OSBPL10: variants seen among roughly 807,000 people sequenced by gnomAD.
The protein encoded by OSBPL10 is oxysterol binding protein like 10.
A neutral mutation model predicts 81.7 loss-of-function variants in OSBPL10; 49 were observed. That is an observed-to-expected ratio of 0.60 (90% CI 0.48 to 0.76). OSBPL10 has a LOEUF of 0.76. Among genes scored for constraint, OSBPL10 ranks in the 30% least tolerant of loss-of-function variants. The pLI, the probability that OSBPL10 is intolerant of heterozygous loss-of-function variation, is 0.00. For missense variants in OSBPL10, 923 were observed against 987.8 expected, an observed-to-expected ratio of 0.93 and a Z score of 0.88; for synonymous variants, 419 against 383.6, an observed-to-expected ratio of 1.09 and a Z score of -1.08.
At chr3:32,040,599 G>A (rs1163570976) in intron 2 of OSBPL10, among the ~76,000 whole-genome samples, 2 of 152,014 alleles carry the variant, frequency 1.3e-5, no homozygotes. Flanking sequence ...ACTTTGGGAG[G>A]CCTAGGTGGG....
chr3:32,042,448 C>G (rs898929895), intron 2 of OSBPL10, among the ~76,000 whole-genome samples: 3 of 152,206 alleles, frequency 2.0e-5, no homozygotes, highest in Non-Finnish European at 2.9e-5. Context: ...AAAGGCTCAG[C>G]AAAAGCATCA....
At chr3:31,712,288 C>A (rs1696281021) in intron 6 of OSBPL10, among the ~76,000 whole-genome samples, 1 of 152,238 alleles carries the variant, frequency 6.6e-6, no homozygotes, top group Non-Finnish European at 1.5e-5. Flanking sequence ...ACATCTCCCC[C>A]TTAGCTATCC....
At chr3:31,949,267 A>G (rs1697793156) in intron 1 of OSBPL10, among the ~76,000 whole-genome samples, 1 of 152,222 alleles carries the variant, frequency 6.6e-6, no homozygotes, top group Admixed American at 6.5e-5. Flanking sequence ...AGCAACAGCT[A>G]ACCTTTTCAG....
At chr3:31,950,155 G>A (rs1409924282) in intron 1 of OSBPL10, among the ~76,000 whole-genome samples, 3 of 152,090 alleles carry the variant, frequency 2.0e-5, no homozygotes, top group African/African-American at 7.2e-5. Flanking sequence ...TTTTTCAAAA[G>A]CATCACAAAT....
intron 3 of OSBPL10, among the ~76,000 whole-genome samples, chr3:31,864,016 T>C (rs1362426298): frequency 6.6e-6 from 1 of 152,130 alleles, no homozygotes; most frequent in African/African-American, 2.4e-5. Flanking sequence ...ATGCACTAAC[T>C]GGTTTATGTC....
At chr3:31,760,710 A>T (rs1445180834) in intron 4 of OSBPL10, among the ~76,000 whole-genome samples, 1 of 152,246 alleles carries the variant, frequency 6.6e-6, no homozygotes, top group Non-Finnish European at 1.5e-5. Context: ...AAATGGCTAC[A>T]GGCCATAATC....
intron 4 of OSBPL10, among the ~76,000 whole-genome samples, chr3:31,814,670 G>T (rs1699789786): frequency 6.6e-6 from 1 of 152,108 alleles, no homozygotes; most frequent in Middle Eastern, 3.2e-3. Context: ...AACCAACTTT[G>T]CCAACACCTT....
At chr3:31,699,982 G>A (rs900252870) in intron 7 of OSBPL10, among the ~76,000 whole-genome samples, 2 of 152,206 alleles carry the variant, frequency 1.3e-5, no homozygotes, top group African/African-American at 4.8e-5. Context: ...GAAGAGAAAA[G>A]GGGACAGTAC....
chr3:31,704,568 A>C (rs1392206980), intron 6 of OSBPL10: 1 of 152,250 alleles, frequency 6.6e-6, no homozygotes, highest in Non-Finnish European at 1.5e-5. Flanking sequence ...CAGGAGAAGT[A>C]GCTCCATTTT....
Position 31,943,495 on chromosome 3 carries a change from A to G in OSBPL10, c.281+37404T>C, listed in dbSNP as rs114681418. Among the ~76,000 whole-genome samples, 632 of 152,342 alleles carry G rather than the reference A, an allele frequency of 4.1e-3. 2 individuals carry two copies. The highest frequency in any genetic ancestry group is 0.014 in the African/African-American group (600 of 41,574). ...AAGCAACACATGTTCATTGTAGGAA[A>G]TCTGGAAAATAATTACACCACCCAG... On this transcript the variant is annotated intron_variant, in intron 1 of 11. Transcript: ENST00000396556.
Position 31,777,188 on chromosome 3 carries a change from C to T in OSBPL10, c.730-29068G>A, listed in dbSNP as rs577077108. 2.6e-5 allele frequency among the ~76,000 whole-genome samples: 4 copies of T among 152,348 alleles called. No individual in the cohort carries two copies. In the South Asian group the frequency reaches 8.3e-4, roughly 32 times the overall value. On this transcript the variant is annotated intron_variant, in intron 4 of 11. Transcript: ENST00000396556. ...GGGACTCCTGCAGCACTGAACAGCA[C>T]ATCAGATGACATGCCCCTGGCTCAT...
At chr3:31,773,397 A>C (rs1420788891) in intron 4 of OSBPL10, among the ~76,000 whole-genome samples, 2 of 152,204 alleles carry the variant, frequency 1.3e-5, no homozygotes, top group South Asian at 2.1e-4. Context: ...CCAAACATGC[A>C]AAAACTGTAA....
intron 8 of OSBPL10, among the ~76,000 whole-genome samples, chr3:31,672,365 G>GT (rs1559408266): frequency 8.2e-6 from 1 of 122,406 alleles, no homozygotes; most frequent in Admixed American, 8.5e-5. Flanking sequence ...CGGGGGCGGG[G>GT]GGGGGGGCAG....
intron 4 of OSBPL10, among the ~76,000 whole-genome samples, chr3:31,770,751 A>G (rs113788527): frequency 6.6e-6 from 1 of 152,052 alleles, no homozygotes; most frequent in African/African-American, 2.4e-5. Flanking sequence ...GCGTCATTGC[A>G]CTCCAGCCTG....
At chr3:31,928,762 C>CCAAAAAAAAAAAAAAAAAAAA (rs768296819) in intron 1 of OSBPL10, among the ~76,000 whole-genome samples, 6 of 95,100 alleles carry the variant, frequency 6.3e-5, no homozygotes, top group African/African-American at 1.6e-4. Flanking sequence ...GACTTGTCTC[C>CCAAAAAAAAAAAAAAAAAAAA]AAAAAAAAAA....
At chr3:32,054,526 C>CTTTTTTTTTTTTTT (rs755489489) in intron 1 of OSBPL10, among the ~76,000 whole-genome samples, 1 of 86,604 alleles carries the variant, frequency 1.2e-5, no homozygotes, top group Admixed American at 1.9e-4. Context: ...TCAATGGTGG[C>CTTTTTTTTTTTTTT]TTTTTTTTTT....
rs114763800 is a variant in OSBPL10 at position 31,802,524 on chromosome 3, C to T, written c.729+27516G>A. Among the ~76,000 whole-genome samples the T allele has an allele frequency of 7.2e-3, 1,018 of 140,766 alleles. 12 individuals carry two copies. Among genetic ancestry groups the T allele is most frequent in the African/African-American group, 0.025 (966 of 37,990 alleles). 92.3% of individuals were successfully genotyped at this position (140,766 alleles called of 152,430 possible). A position where few individuals can be genotyped will look rare whatever the true frequency, so the allele number is the denominator to read the frequency against. ...GAGGTTGCAGTGAGCCAAGATCATG[C>T]GCCACTGCACTCTAGCCTGGGTATC... On this transcript the variant is annotated intron_variant, in intron 4 of 11. Coordinates refer to ENST00000396556, the MANE Select transcript of OSBPL10 (RefSeq NM_017784.5).
intron 1 of OSBPL10, among the ~76,000 whole-genome samples, chr3:31,917,382 T>G (rs1373289881): frequency 1.3e-5 from 2 of 152,030 alleles, no homozygotes; most frequent in African/African-American, 4.8e-5. Flanking sequence ...TCCTTACTGC[T>G]TGACTAGAGA....
chr3:31,710,540 C>T (rs1350455748), intron 6 of OSBPL10: 2 of 152,356 alleles, frequency 1.3e-5, no homozygotes, highest in South Asian at 2.1e-4. Context: ...TGGTCTGGAG[C>T]TACACTAGGA....
Sources: allele counts gnomAD v4.1 joint callset (sites outside exome capture counted in the v4.1 genomes callset), GRCh38; gene constraint gnomAD v4.1.1; transcripts MANE v1.5; gene names NCBI Gene and HGNC (gene_info 2026-07-23, HGNC 2026-07-21).